The following GRIN2A variants were observed in gnomAD, a reference collection of about 807,000 sequenced individuals.
The protein encoded by GRIN2A is glutamate receptor ionotropic, NMDA 2A.
Under a neutral mutation model 113.4 loss-of-function variants are expected in GRIN2A, and 22 were observed. The observed-to-expected ratio is 0.19, with a 90% CI of 0.14 to 0.28. The LOEUF is 0.28. Ranked by LOEUF, GRIN2A falls within the 10% of genes least tolerant of loss-of-function variation. The pLI, the probability that GRIN2A is intolerant of heterozygous loss-of-function variation, is 1.00. For synonymous variants in GRIN2A, 827 were observed against 738.4 expected (o/e 1.12, Z -1.94); for missense variants, 1,502 against 1,887.0 (o/e 0.80, Z 3.78).
chr16:10,138,319 G>A (rs1418126858), intron 2 of GRIN2A, among the ~76,000 whole-genome samples: 3 of 152,172 alleles, frequency 2.0e-5, no homozygotes, highest in Non-Finnish European at 2.9e-5. Context: ...CTGAGACTGG[G>A]TAATTTATAA....
At chr16:9,942,058 G>A (rs2044893953) in intron 2 of GRIN2A, among the ~76,000 whole-genome samples, 1 of 152,148 alleles carries the variant, frequency 6.6e-6, no homozygotes, top group Non-Finnish European at 1.5e-5. Flanking sequence ...CCAGTGTAGT[G>A]CCCATCAAGT....
intron 2 of GRIN2A, among the ~76,000 whole-genome samples, chr16:10,142,342 G>A (rs1400608442): frequency 1.3e-5 from 2 of 152,158 alleles, no homozygotes; most frequent in African/African-American, 2.4e-5. Flanking sequence ...AAATTAAAAA[G>A]ACTAAGGCTC....
At position 10,148,262 on chromosome 16, in the gene GRIN2A, G is replaced by A. The variant is rs572639435; in HGVS notation, c.414+31736C>T. Among the ~76,000 whole-genome samples the A allele has an allele frequency of 3.9e-5, 6 of 152,250 alleles. No homozygotes were observed. The South Asian group carries it at 8.3e-4, about 21-fold the overall frequency. Reference sequence around the variant, plus strand: ...TCTAGAGCTCCTTTTGTGCTAAAACGGCAGAGTTGAGTAGTTGCAACAGAT... The same window carrying A: ...TCTAGAGCTCCTTTTGTGCTAAAACAGCAGAGTTGAGTAGTTGCAACAGAT... On this transcript the variant is annotated intron_variant, in intron 2 of 12. Transcript: ENST00000330684.
chr16:9,778,865 C>T (rs1182182987), intron 11 of GRIN2A, among the ~76,000 whole-genome samples: 21 of 152,178 alleles, frequency 1.4e-4, no homozygotes, highest in Admixed American at 1.2e-3. Flanking sequence ...GTAGTCTCCC[C>T]GAGGGAAAAC....
At chr16:9,809,130 CAAATGCAG>C (rs1358749617) in intron 10 of GRIN2A, among the ~76,000 whole-genome samples, 1 of 152,088 alleles carries the variant, frequency 6.6e-6, no homozygotes, top group Non-Finnish European at 1.5e-5. Flanking sequence ...TTAATATATA[CAAATGCAG>C]ACCGGGCACG....
chr16:9,770,729 C>T (rs1438002152), intron 11 of GRIN2A, among the ~76,000 whole-genome samples: 1 of 152,164 alleles, frequency 6.6e-6, no homozygotes, highest in African/African-American at 2.4e-5. Context: ...AATTCACCTG[C>T]TATGGCTTTG....
At chr16:10,159,311 C>T (rs970470305) in intron 2 of GRIN2A, among the ~76,000 whole-genome samples, 10 of 152,216 alleles carry the variant, frequency 6.6e-5, no homozygotes, top group African/African-American at 2.4e-4. Flanking sequence ...AGAGGACAGG[C>T]CTGGGCAGGT....
chr16:9,774,263 C>T (rs752399402), intron 11 of GRIN2A, among the ~76,000 whole-genome samples: 2 of 152,126 alleles, frequency 1.3e-5, no homozygotes, highest in Non-Finnish European at 2.9e-5. Flanking sequence ...CAGCAAATTA[C>T]AAGAAAGAAT....
At chr16:9,805,964 T>A (rs950781187) in intron 10 of GRIN2A, among the ~76,000 whole-genome samples, 1 of 152,160 alleles carries the variant, frequency 6.6e-6, no homozygotes, top group African/African-American at 2.4e-5. Flanking sequence ...TTTGGGAAAA[T>A]GGCCTAGAAT....
At chr16:9,771,184 A>G (rs917522802) in intron 11 of GRIN2A, among the ~76,000 whole-genome samples, 2 of 150,466 alleles carry the variant, frequency 1.3e-5, no homozygotes, top group Non-Finnish European at 2.9e-5. Flanking sequence ...CCCTAATGGT[A>G]TATAATAGTC....
chr16:9,942,142 T>C (rs1292350546), intron 2 of GRIN2A, among the ~76,000 whole-genome samples: 1 of 152,202 alleles, frequency 6.6e-6, no homozygotes, highest in Non-Finnish European at 1.5e-5. Flanking sequence ...CACTCTGGAC[T>C]TGGAGCATCT....
At chr16:10,069,217 T>G (rs2047706368) in intron 2 of GRIN2A, among the ~76,000 whole-genome samples, 1 of 152,136 alleles carries the variant, frequency 6.6e-6, no homozygotes, top group South Asian at 2.1e-4. Flanking sequence ...CAGCTCCAGA[T>G]GGTGATGATG....
At chr16:10,060,437 G>C (rs1190582170) in intron 2 of GRIN2A, among the ~76,000 whole-genome samples, 1 of 152,082 alleles carries the variant, frequency 6.6e-6, no homozygotes, top group Non-Finnish European at 1.5e-5. Context: ...ACCTACTTAG[G>C]GTTCCTCCGC....
At chr16:9,839,760 C>G (rs954452709) in intron 7 of GRIN2A, among the ~76,000 whole-genome samples, 2 of 148,144 alleles carry the variant, frequency 1.4e-5, no homozygotes, top group African/African-American at 5.3e-5. Flanking sequence ...AGAGTCAAGA[C>G]CAGTATCTGA....
intron 2 of GRIN2A, among the ~76,000 whole-genome samples, chr16:10,107,351 A>G (rs757357347): frequency 1.3e-5 from 2 of 152,218 alleles, no homozygotes; most frequent in Non-Finnish European, 2.9e-5. Context: ...AAACAGCAGC[A>G]GTCCCCAGAG....
intron 3 of GRIN2A, among the ~76,000 whole-genome samples, chr16:9,910,143 G>A (rs187653627): frequency 6.6e-6 from 1 of 152,090 alleles, no homozygotes; most frequent in Non-Finnish European, 1.5e-5. Flanking sequence ...GGGTTACTAT[G>A]AACAGTGCTT....
chr16:9,854,983 C>G (rs1313592035), intron 4 of GRIN2A, among the ~76,000 whole-genome samples: 3 of 140,042 alleles, frequency 2.1e-5, no homozygotes, highest in Admixed American at 7.1e-5. Context: ...CCAGGACAGG[C>G]AAGCACGCTT....
At chr16:10,181,422 A>C (rs1227799996) in intron 1 of GRIN2A, among the ~76,000 whole-genome samples, 1 of 152,126 alleles carries the variant, frequency 6.6e-6, no homozygotes, top group Non-Finnish European at 1.5e-5. Flanking sequence ...GCTGTTGCCA[A>C]GTCCTAGGTG....
chr16:9,867,294 T>A (rs1024426454), intron 4 of GRIN2A, among the ~76,000 whole-genome samples: 2 of 152,156 alleles, frequency 1.3e-5, no homozygotes, highest in Non-Finnish European at 2.9e-5. Context: ...TTTTTCCTAA[T>A]TGCATCTCTC....
Sources: allele counts gnomAD v4.1 joint callset (sites outside exome capture counted in the v4.1 genomes callset), GRCh38; gene constraint gnomAD v4.1.1; transcripts MANE v1.5; gene names NCBI Gene and HGNC (gene_info 2026-07-23, HGNC 2026-07-21).